Variants in CERS3 observed in about 807,000 individuals in gnomAD.
The protein encoded by CERS3 is ceramide synthase 3.
CERS3 carries 33 observed loss-of-function variants against 50.3 expected under a neutral mutation model. The ratio of observed to expected loss-of-function variants is 0.66; its 90% CI spans 0.50 to 0.88. The LOEUF (loss-of-function observed/expected upper bound fraction) is 0.88. Ranked by LOEUF, CERS3 falls within the 40% of genes least tolerant of loss-of-function variation. The probability of loss-of-function intolerance (pLI) is 0.00; values close to 1 mark genes in which losing one functional copy is unlikely to be tolerated. For synonymous variants in CERS3, 176 were observed against 155.2 expected (o/e 1.13, Z -0.99); for missense variants, 470 against 460.3 (o/e 1.02, Z -0.19).
At position 100,400,713 on chromosome 15, in the gene CERS3, T is replaced by C. The variant is rs575275923; in HGVS notation, c.*2000A>G. On this transcript the variant is annotated 3_prime_UTR_variant, in exon 12 of 12. Coordinates refer to ENST00000679737, the MANE Select transcript of CERS3 (RefSeq NM_001378789.1). ...CTTTTCTACCTTAAGCAAGAAGATATTTGGTACAGAGACAAAAACCAAATA... is the reference window on the plus strand; with the variant it reads ...CTTTTCTACCTTAAGCAAGAAGATACTTGGTACAGAGACAAAAACCAAATA... 1 of 152,222 alleles carries C rather than the reference T, an allele frequency of 6.6e-6. No individual in the cohort carries two copies. Among genetic ancestry groups the C allele is most frequent in the South Asian group, 2.1e-4 (1 of 4,830 alleles). The allele number at this position is 152,222 out of a possible 1,614,324, so 9.4% of individuals were successfully genotyped here.
intron 11 of CERS3, chr15:100,437,879 C>T (rs1156312840): frequency 6.6e-6 from 1 of 152,060 alleles, no homozygotes; most frequent in Non-Finnish European, 1.5e-5. Flanking sequence ...GTGCTCTTAG[C>T]TATCTAACCG....
intron 11 of CERS3, among the ~76,000 whole-genome samples, chr15:100,431,450 G>GTTTTTT (rs915532457): frequency 1.3e-5 from 2 of 151,314 alleles, no homozygotes; most frequent in African/African-American, 4.9e-5. Flanking sequence ...ATTTTTATCA[G>GTTTTTT]TTTTTTTTTC....
chr15:100,481,341 A>G (rs953835853), intron 5 of CERS3, among the ~76,000 whole-genome samples: 21 of 152,232 alleles, frequency 1.4e-4, no homozygotes, highest in African/African-American at 4.8e-4. Flanking sequence ...AGTAGGGTTC[A>G]ATAGTCAAAA....
intron 5 of CERS3, among the ~76,000 whole-genome samples, chr15:100,483,787 A>ATTATTATTTTTTTTTTTTTTT (rs760594142): frequency 1.8e-4 from 18 of 100,040 alleles, no homozygotes; most frequent in Non-Finnish European, 2.7e-4. Flanking sequence ...TATTATTATT[A>ATTATTATTTTTTTTTTTTTTT]TTTTTTTTTT....
intron 11 of CERS3, among the ~76,000 whole-genome samples, chr15:100,424,701 T>A (rs577222853): frequency 6.6e-6 from 1 of 152,236 alleles, no homozygotes; most frequent in South Asian, 2.1e-4. Flanking sequence ...TGACAGCATA[T>A]GCTCATCTGC....
chr15:100,505,787 C>T (rs994668944), intron 2 of CERS3, among the ~76,000 whole-genome samples: 1 of 152,170 alleles, frequency 6.6e-6, no homozygotes, highest in South Asian at 2.1e-4. Context: ...GTGGGCGGAT[C>T]GCCTGAGCCC....
intron 10 of CERS3, among the ~76,000 whole-genome samples, chr15:100,460,757 T>C (rs2034524661): frequency 1.3e-5 from 2 of 152,224 alleles, no homozygotes; most frequent in South Asian, 4.1e-4. Flanking sequence ...GGTCCCCTAT[T>C]GGGAATTTGT....
intron 11 of CERS3, among the ~76,000 whole-genome samples, chr15:100,451,399 C>T (rs1012287464): frequency 6.6e-6 from 1 of 151,820 alleles, no homozygotes; most frequent in East Asian, 1.9e-4. Flanking sequence ...GTTTATTTCA[C>T]CTGTGAAAAC....
chr15:100,518,711 C>T (rs2036560625), intron 2 of CERS3, among the ~76,000 whole-genome samples: 1 of 152,178 alleles, frequency 6.6e-6, no homozygotes, highest in South Asian at 2.1e-4. Flanking sequence ...AGCTCGACAC[C>T]ACACCAGGCA....
Position 100,484,557 on chromosome 15 carries a change from C to T in CERS3, c.400G>A (p.Glu134Lys), listed in dbSNP as rs2035430524. Residue 134 changes from glutamate to lysine, a missense_variant, in exon 5 of 12, where the codon GAA becomes AAA. By Grantham distance (56) the Glu-to-Lys change is moderately conservative. Transcript: ENST00000679737. ...ERPSRLKKFQ[E>K]ACWRFAFYLM... is the part of the protein sequence containing the mutation. ...TTGGCCCATCCTCCTTACCAAGCTTCCTGGAATTTCTTCAGCCTGGAAGGC... is the reference window on the plus strand; with the variant it reads ...TTGGCCCATCCTCCTTACCAAGCTTTCTGGAATTTCTTCAGCCTGGAAGGC... 3 of 1,611,266 alleles carry T rather than the reference C, an allele frequency of 1.9e-6. No individual in the cohort carries two copies. The highest frequency in any genetic ancestry group is 1.7e-6 in the Non-Finnish European group (2 of 1,177,398).
At chr15:100,461,287 A>G (rs1024352075) in intron 10 of CERS3, among the ~76,000 whole-genome samples, 43 of 152,202 alleles carry the variant, frequency 2.8e-4, no homozygotes, top group African/African-American at 1.0e-3. Context: ...AGAGGCTCCC[A>G]GGAGACACAC....
intron 11 of CERS3, among the ~76,000 whole-genome samples, chr15:100,417,849 A>G (rs2032075299): frequency 6.6e-6 from 1 of 151,888 alleles, no homozygotes; most frequent in African/African-American, 2.4e-5. Context: ...AGGGTATTCC[A>G]ACAGACCTGC....
intron 9 of CERS3, among the ~76,000 whole-genome samples, chr15:100,471,076 C>T (rs1396709624): frequency 1.3e-5 from 2 of 152,116 alleles, no homozygotes; most frequent in Admixed American, 6.5e-5. Flanking sequence ...ATTTTGTCTA[C>T]CACCAGCTGA....
intron 11 of CERS3, among the ~76,000 whole-genome samples, chr15:100,407,690 C>T (rs1339636101): frequency 6.6e-6 from 1 of 152,152 alleles, no homozygotes; most frequent in Non-Finnish European, 1.5e-5. Flanking sequence ...ATGGTTGTAT[C>T]AGTACTGGAC....
chr15:100,445,423 C>G (rs1016643635), intron 11 of CERS3, among the ~76,000 whole-genome samples: 1 of 152,218 alleles, frequency 6.6e-6, no homozygotes, highest in African/African-American at 2.4e-5. Context: ...GCGGGCAAGG[C>G]TATGCTGCAC....
In CERS3 at chr15:100,431,324, T is replaced by TA. The variant is rs201803170; in HGVS notation, c.999+24568dup. ...TCACTTTATATAATAAATGGTTCTT[T>TA]AAAAATAATCATTTTATAAAATAAA... is the stretch of plus-strand genomic sequence containing the variant. On this transcript the variant is annotated intron_variant, in intron 11 of 11. Coordinates refer to ENST00000679737, the MANE Select transcript of CERS3 (RefSeq NM_001378789.1). Among the ~76,000 whole-genome samples, 13 of 151,174 alleles carry TA rather than the reference T, an allele frequency of 8.6e-5. No homozygotes were observed. The East Asian group carries it at 2.4e-3, about 28-fold the overall frequency.
intron 3 of CERS3, among the ~76,000 whole-genome samples, chr15:100,496,068 C>T (rs1452099758): frequency 6.6e-6 from 1 of 152,194 alleles, no homozygotes; most frequent in Non-Finnish European, 1.5e-5. Flanking sequence ...CTGAATGTTT[C>T]TGAGGCTCAC....
chr15:100,518,395 A>G (rs551675484), intron 2 of CERS3, among the ~76,000 whole-genome samples: 1 of 152,310 alleles, frequency 6.6e-6, no homozygotes, highest in South Asian at 2.1e-4. Context: ...TGCCTGGAAC[A>G]TTAGAGAATA....
At chr15:100,529,483 G>T (rs1248991044), upstream of CERS3, among the ~76,000 whole-genome samples, 4 of 152,274 alleles carry the variant, frequency 2.6e-5, no homozygotes, top group South Asian at 2.1e-4. Flanking sequence ...TTTCTTCTTA[G>T]AACAGTCAGA....
Sources: allele counts gnomAD v4.1 joint callset (sites outside exome capture counted in the v4.1 genomes callset), GRCh38; gene constraint gnomAD v4.1.1; transcripts MANE v1.5; gene names NCBI Gene and HGNC (gene_info 2026-07-23, HGNC 2026-07-21).